The following ANO10 variants were observed in gnomAD, a reference collection of about 807,000 sequenced individuals.
ANO10 encodes the protein anoctamin-10.
ANO10 carries 77 observed loss-of-function variants against 74.7 expected under a neutral mutation model. The observed-to-expected ratio is 1.03, with a 90% confidence interval of 0.86 to 1.25. The LOEUF is 1.25. ANO10 is among the 50% of genes most tolerant of loss of function. The pLI, the probability that ANO10 is intolerant of heterozygous loss-of-function variation, is 0.00. For synonymous variants in ANO10, 279 were observed against 284.9 expected (o/e 0.98, Z 0.21); for missense variants, 721 against 778.1 (o/e 0.93, Z 0.87).
intron 11 of ANO10, among the ~76,000 whole-genome samples, chr3:43,537,494 A>T (rs529624796): frequency 2.8e-4 from 42 of 152,084 alleles, no homozygotes; most frequent in Non-Finnish European, 5.3e-4. Flanking sequence ...CTGGGGCCCA[A>T]TGATGACAGC....
chr3:43,523,705 A>ACTG (rs896763535), intron 11 of ANO10, among the ~76,000 whole-genome samples: 60 of 152,330 alleles, frequency 3.9e-4, no homozygotes, highest in African/African-American at 1.3e-3. Flanking sequence ...ATTTGAGATC[A>ACTG]CTGGGAGACA....
intron 11 of ANO10, among the ~76,000 whole-genome samples, chr3:43,538,745 G>A (rs2078827656): frequency 6.6e-6 from 1 of 152,150 alleles, no homozygotes; most frequent in South Asian, 2.1e-4. Flanking sequence ...GATGCAGGAT[G>A]GAGAACGGCC....
At chr3:43,504,313 T>C (rs986116397) in intron 11 of ANO10, among the ~76,000 whole-genome samples, 6 of 150,800 alleles carry the variant, frequency 4.0e-5, no homozygotes, top group African/African-American at 1.5e-4. Flanking sequence ...GATAGATAGA[T>C]AGATAGATAG....
intron 7 of ANO10, among the ~76,000 whole-genome samples, chr3:43,568,381 C>T (rs540231969): frequency 6.6e-6 from 1 of 152,334 alleles, no homozygotes; most frequent in East Asian, 1.9e-4. Flanking sequence ...ACAGAATATA[C>T]ATTTTTATCA....
chr3:43,688,099 C>T (rs1044594405), intron 1 of ANO10, among the ~76,000 whole-genome samples: 1 of 152,184 alleles, frequency 6.6e-6, no homozygotes, highest in Non-Finnish European at 1.5e-5. Flanking sequence ...TAGTCCTATG[C>T]ACTGCTTGTC....
intron 12 of ANO10, among the ~76,000 whole-genome samples, chr3:43,411,050 T>C (rs1277322727): frequency 6.6e-6 from 1 of 152,044 alleles, no homozygotes; most frequent in African/African-American, 2.4e-5. Flanking sequence ...AAATCTCTGG[T>C]ATGTGTACAC....
intron 2 of ANO10, among the ~76,000 whole-genome samples, chr3:43,603,632 G>A (rs2082430720): frequency 6.6e-6 from 1 of 152,176 alleles, no homozygotes; most frequent in Admixed American, 6.6e-5. Flanking sequence ...GTTCTCAGAT[G>A]TTTGGTGATC....
chr3:43,632,366 TC>T, intron 1 of ANO10, among the ~76,000 whole-genome samples: 1 of 152,328 alleles, frequency 6.6e-6, no homozygotes, highest in South Asian at 2.1e-4. Flanking sequence ...GAGTATTTGT[TC>T]CTTGGCTACC....
At chr3:43,457,645 G>A (rs2075190364) in intron 11 of ANO10, among the ~76,000 whole-genome samples, 1 of 152,090 alleles carries the variant, frequency 6.6e-6, no homozygotes, top group African/African-American at 2.4e-5. Flanking sequence ...ATGAGATTTG[G>A]GTGGGAACAC....
intron 11 of ANO10, among the ~76,000 whole-genome samples, chr3:43,474,002 T>C (rs2075967277): frequency 6.6e-6 from 1 of 152,218 alleles, no homozygotes; most frequent in Admixed American, 6.5e-5. Context: ...CCAGCCAGCA[T>C]GTGTATACAG....
chr3:43,462,512 T>A (rs761468745), intron 11 of ANO10, among the ~76,000 whole-genome samples: 13 of 152,200 alleles, frequency 8.5e-5, no homozygotes, highest in Non-Finnish European at 1.9e-4. Context: ...ATTACAGGTG[T>A]TAAACCACCA....
chr3:43,549,771 T>C lies in ANO10; in HGVS notation c.1746A>G (p.Ala582=), dbSNP rs764228749. The C allele has an allele frequency of 1.7e-5, 28 of 1,613,930 alleles. No individual in the cohort carries two copies. The highest frequency in any genetic ancestry group is 1.9e-5 in the Non-Finnish European group (23 of 1,179,910). The change falls in exon 11 of 13, where the codon GCA becomes GCG. Residue 582 remains alanine (A), a synonymous_variant. Transcript: ENST00000292246. ...GGTCTGCTTTTGATTCTGGAAAGAC[T>C]GCATTCACTTGTGGTGACATTCCAA... ...ALIGMSPQVN[A]VFPESKADLI...
chr3:43,574,919 C>A, intron 6 of ANO10, 55 bp from the exon 7 acceptor site: 4 of 1,473,624 alleles, frequency 2.7e-6, no homozygotes, highest in Non-Finnish European at 3.8e-6. Flanking sequence ...TACGAAAGCA[C>A]TGTTATGAGG....
intron 12 of ANO10, among the ~76,000 whole-genome samples, chr3:43,401,468 TG>T (rs71616091): frequency 0.18 from 27,977 of 152,258 alleles, 3,108 homozygotes; most frequent in Middle Eastern, 0.35. Context: ...TCTTTGTTAA[TG>T]GGCTTCTACT....
chr3:43,377,550 G>A (rs1023058424), intron 12 of ANO10, among the ~76,000 whole-genome samples: 1 of 152,134 alleles, frequency 6.6e-6, no homozygotes, highest in African/African-American at 2.4e-5. Flanking sequence ...TGTCATACAG[G>A]TCACCTGGGG....
At position 43,629,222 on chromosome 3, in the gene ANO10, G is replaced by C. The variant is rs576373468; in HGVS notation, c.-11-23359C>G. On this transcript the variant is annotated intron_variant, in intron 1 of 3. Transcript: ENST00000413397. The stretch of plus-strand genomic sequence containing the variant: ...AAGAACCTATGTGACTATCGGGGCA[G>C]GTTCCCCGATAAGGAGGAGATTGAC... 3.9e-5 allele frequency among the ~76,000 whole-genome samples: 6 copies of C among 152,272 alleles called. No individual in the cohort carries two copies. The South Asian group carries it at 1.0e-3, about 26-fold the overall frequency.
chr3:43,567,333 C>T (rs1358421712), intron 7 of ANO10, among the ~76,000 whole-genome samples: 11 of 151,404 alleles, frequency 7.3e-5, no homozygotes, highest in Admixed American at 6.6e-4. Flanking sequence ...ATACAGAGAA[C>T]GCCACAAAGA....
chr3:43,676,897 G>A (rs1482126907), intron 1 of ANO10, among the ~76,000 whole-genome samples: 12 of 151,924 alleles, frequency 7.9e-5, no homozygotes, highest in Admixed American at 6.6e-4. Flanking sequence ...TACAGTCAAG[G>A]CACACATCAG....
Position 43,491,270 on chromosome 3 carries a change from T to C in ANO10, c.1797+58450A>G, listed in dbSNP as rs769560676. On this transcript the variant is annotated intron_variant, in intron 11 of 12. Transcript: ENST00000292246. The stretch of plus-strand genomic sequence containing the variant: ...GCCTCATGCCTGTAATCCCAGCACT[T>C]TGGGAGGCTGAGGCAGGCAGATGAC... Among the ~76,000 whole-genome samples the C allele has an allele frequency of 3.3e-5, 5 of 152,066 alleles. No individual in the cohort carries two copies. The South Asian group carries it at 8.3e-4, about 25-fold the overall frequency.
Sources: gnomAD v4.1 joint callset for allele counts (sites outside exome capture counted in the v4.1 genomes callset) on GRCh38, gnomAD v4.1.1 for gene constraint, MANE v1.5 for transcripts, NCBI Gene and HGNC (gene_info 2026-07-23, HGNC 2026-07-21) for gene names.